KLHL1: variants seen among roughly 807,000 people sequenced by gnomAD.
KLHL1 encodes the protein kelch-like protein 1.
A neutral mutation model predicts 77.7 loss-of-function variants in KLHL1; 47 were observed. The observed-to-expected ratio is 0.60, with a 90% confidence interval of 0.48 to 0.77. The LOEUF (loss-of-function observed/expected upper bound fraction) is 0.77. KLHL1 is among the 30% of genes least tolerant of loss of function. The pLI is 0.00. For synonymous variants in KLHL1, 360 were observed against 325.2 expected, an observed-to-expected ratio of 1.11 and a Z score of -1.15; for missense variants, 925 against 910.8, an observed-to-expected ratio of 1.02 and a Z score of -0.20.
chr13:69,867,170 A>G (rs971019664), intron 5 of KLHL1, among the ~76,000 whole-genome samples: 3 of 152,144 alleles, frequency 2.0e-5, no homozygotes. Flanking sequence ...AGGTGTCCTT[A>G]ACAGAGTCTA....
rs577687761 is a variant in KLHL1 at position 69,801,196 on chromosome 13, C to A, written c.1415-4234G>T. On this transcript the variant is annotated intron_variant, in intron 6 of 10. Coordinates refer to ENST00000377844, the MANE Select transcript of KLHL1 (RefSeq NM_020866.3). ...ACAGAGTCCTGACCACTTTTGTTAA[C>A]TGAAGAATGACCACTCTACTGAAAA... 1.4e-4 allele frequency among the ~76,000 whole-genome samples: 22 copies of A among 152,194 alleles called. No homozygotes were observed. The South Asian group carries it at 4.4e-3, about 30-fold the overall frequency.
At chr13:69,866,637 C>A (rs192623569) in intron 5 of KLHL1, among the ~76,000 whole-genome samples, 1 of 152,188 alleles carries the variant, frequency 6.6e-6, no homozygotes, top group East Asian at 1.9e-4. Context: ...GTTATGGAGA[C>A]AATCTTCACT....
chr13:69,728,923 G>A (rs79739358), intron 8 of KLHL1, among the ~76,000 whole-genome samples: 1 of 151,996 alleles, frequency 6.6e-6, no homozygotes, highest in East Asian at 1.9e-4. Flanking sequence ...TTAAGGGGGT[G>A]GTACTACATA....
intron 5 of KLHL1, among the ~76,000 whole-genome samples, chr13:69,842,421 C>A (rs574280692): frequency 1.4e-4 from 21 of 151,694 alleles, no homozygotes; most frequent in Non-Finnish European, 2.2e-4. Context: ...ATACAAATGG[C>A]CCAACAGGTA....
intron 9 of KLHL1, among the ~76,000 whole-genome samples, chr13:69,716,382 C>T (rs7335970): frequency 0.11 from 16,787 of 151,592 alleles, 1,081 homozygotes; most frequent in African/African-American, 0.15. Flanking sequence ...TGGGCAGTAT[C>T]AGCACATGGC....
chr13:69,992,913 G>T lies in KLHL1; in HGVS notation c.498-17111C>A, dbSNP rs115087297. Among the ~76,000 whole-genome samples, 1,189 of 145,204 alleles carry T rather than the reference G, an allele frequency of 8.2e-3. 17 individuals are homozygous for T. Among genetic ancestry groups the T allele is most frequent in the African/African-American group, 0.028 (1,120 of 39,690 alleles). Reference sequence around the variant, plus strand: ...TTTTTTACTCTTTGTATATAAATATGCTGCAGAGGGAAAAAAAAAACATGT... The same window carrying T: ...TTTTTTACTCTTTGTATATAAATATTCTGCAGAGGGAAAAAAAAAACATGT... On this transcript the variant is annotated intron_variant, in intron 1 of 10. Transcript: ENST00000377844.
chr13:69,851,670 CCT>C (rs893067675), intron 5 of KLHL1, among the ~76,000 whole-genome samples: 2 of 151,642 alleles, frequency 1.3e-5, no homozygotes, highest in Non-Finnish European at 2.9e-5. Flanking sequence ...TTTCTGGACT[CCT>C]CTCTCTTTCT....
At chr13:70,103,471 A>G (rs757393616) in intron 1 of KLHL1, among the ~76,000 whole-genome samples, 8 of 152,116 alleles carry the variant, frequency 5.3e-5, no homozygotes, top group Non-Finnish European at 1.2e-4. Context: ...ATATTTCACC[A>G]TTCTTAATTT....
At chr13:69,789,899 G>A (rs1340944759) in intron 7 of KLHL1, among the ~76,000 whole-genome samples, 1 of 152,132 alleles carries the variant, frequency 6.6e-6, no homozygotes, top group Non-Finnish European at 1.5e-5. Flanking sequence ...GGAGGAGAAT[G>A]TAACTTAGAG....
chr13:70,051,927 T>G (rs916312051), intron 1 of KLHL1, among the ~76,000 whole-genome samples: 26 of 143,978 alleles, frequency 1.8e-4, no homozygotes, highest in African/African-American at 7.0e-4. Context: ...TTGTCCTATC[T>G]TTGGTTTTAT....
intron 6 of KLHL1, among the ~76,000 whole-genome samples, chr13:69,834,184 C>G (rs1878888162): frequency 6.6e-6 from 1 of 151,780 alleles, no homozygotes; most frequent in South Asian, 2.1e-4. Context: ...GAAATCACCA[C>G]TAAAGAACTT....
intron 3 of KLHL1, among the ~76,000 whole-genome samples, chr13:69,945,488 T>C (rs1450748728): frequency 6.7e-6 from 1 of 149,890 alleles, no homozygotes; most frequent in African/African-American, 2.4e-5. Context: ...CTGTAAGATA[T>C]ATTATTAAAG....
intron 4 of KLHL1, among the ~76,000 whole-genome samples, chr13:69,927,910 A>G (rs1486282003): frequency 6.6e-6 from 1 of 152,190 alleles, no homozygotes; most frequent in Non-Finnish European, 1.5e-5. Context: ...TGAAAATATT[A>G]TGTTCACACA....
At chr13:70,067,132 CCA>C (rs1412206801) in intron 1 of KLHL1, among the ~76,000 whole-genome samples, 32 of 152,214 alleles carry the variant, frequency 2.1e-4, no homozygotes, top group Admixed American at 2.0e-3. Context: ...ACGTGATCAT[CCA>C]GTTACTGAAC....
At chr13:70,084,650 A>ATTTTTTTTTTTTTT (rs1887486259) in intron 1 of KLHL1, among the ~76,000 whole-genome samples, 8 of 14,428 alleles carry the variant, frequency 5.5e-4, no homozygotes, top group Non-Finnish European at 1.1e-3. Flanking sequence ...TTTTTTTTTG[A>ATTTTTTTTTTTTTT]ATTTTTAGTA....
intron 7 of KLHL1, among the ~76,000 whole-genome samples, chr13:69,752,707 A>T (rs1874539357): frequency 6.6e-6 from 1 of 152,168 alleles, no homozygotes; most frequent in Non-Finnish European, 1.5e-5. Flanking sequence ...CTGGGGGTTT[A>T]AAGGTTGGGT....
chr13:69,834,417 G>A lies in KLHL1; in HGVS notation c.1414+4559C>T, dbSNP rs893841635. Among the ~76,000 whole-genome samples, 17 of 151,522 alleles carry A rather than the reference G, an allele frequency of 1.1e-4. No homozygotes were observed. The Admixed American group carries it at 1.1e-3, about 10-fold the overall frequency. The stretch of plus-strand genomic sequence containing the variant: ...TGTTTTCTGCTTGAAGGGTCCTATG[G>A]GAAGAGTTGTGTCGGTAACAGCAGT... On this transcript the variant is annotated intron_variant, in intron 6 of 10. Transcript: ENST00000377844.
chr13:69,919,189 G>A (rs778482043), intron 4 of KLHL1, among the ~76,000 whole-genome samples: 17 of 152,174 alleles, frequency 1.1e-4, no homozygotes, highest in Non-Finnish European at 1.9e-4. Flanking sequence ...ACATAGAAAC[G>A]GTATTTTCTC....
intron 2 of KLHL1, among the ~76,000 whole-genome samples, chr13:69,969,432 A>G (rs1380610806): frequency 1.3e-5 from 2 of 152,138 alleles, no homozygotes; most frequent in African/African-American, 4.8e-5. Flanking sequence ...TTAGTGTCAG[A>G]TGGTGAGTTT....
Sources: gnomAD v4.1 joint callset for allele counts (sites outside exome capture counted in the v4.1 genomes callset) on GRCh38, gnomAD v4.1.1 for gene constraint, MANE v1.5 for transcripts, NCBI Gene and HGNC (gene_info 2026-07-23, HGNC 2026-07-21) for gene names.